SORBS2: variants seen among roughly 807,000 people sequenced by gnomAD.
The protein encoded by SORBS2 is sorbin and SH3 domain containing 2.
Under a neutral mutation model 97.7 loss-of-function variants are expected in SORBS2, and 46 were observed. The observed-to-expected ratio is 0.47, with a 90% CI of 0.37 to 0.60. SORBS2 has a LOEUF of 0.60. SORBS2 is among the 20% of genes least tolerant of loss of function. The probability of loss-of-function intolerance (pLI) is 0.00; values close to 1 mark genes in which losing one functional copy is unlikely to be tolerated. For missense variants in SORBS2, 1,316 were observed against 1,282.3 expected, an observed-to-expected ratio of 1.03 and a Z score of -0.40; for synonymous variants, 476 against 473.4, an observed-to-expected ratio of 1.01 and a Z score of -0.07.
intron 2 of SORBS2, among the ~76,000 whole-genome samples, chr4:185,711,251 A>G (rs2098418227): frequency 6.6e-6 from 1 of 152,004 alleles, no homozygotes; most frequent in African/African-American, 2.4e-5. Context: ...TCAGCCTCTC[A>G]AAGTGCTGGG....
chr4:185,613,191 G>T (rs996603162), intron 11 of SORBS2, among the ~76,000 whole-genome samples: 1 of 152,194 alleles, frequency 6.6e-6, no homozygotes, highest in African/African-American at 2.4e-5. Flanking sequence ...ATGGTGTGAT[G>T]GAGCTGAAAC....
intron 11 of SORBS2, among the ~76,000 whole-genome samples, chr4:185,613,273 C>T (rs1032035610): frequency 2.6e-5 from 4 of 152,280 alleles, no homozygotes; most frequent in East Asian, 1.9e-4. Flanking sequence ...CCTTGAGTAG[C>T]ACTTGGAAGT....
chr4:185,758,142 G>T (rs562791790), intron 2 of SORBS2, among the ~76,000 whole-genome samples: 1 of 152,172 alleles, frequency 6.6e-6, no homozygotes, highest in African/African-American at 2.4e-5. Flanking sequence ...GGTCCTAACC[G>T]ATAATTTCAC....
At chr4:185,912,413 C>T (rs550426729) in intron 1 of SORBS2, among the ~76,000 whole-genome samples, 10 of 151,570 alleles carry the variant, frequency 6.6e-5, no homozygotes, top group Non-Finnish European at 1.2e-4. Flanking sequence ...GGTGAAACCC[C>T]GTCTCTACTA....
intron 1 of SORBS2, among the ~76,000 whole-genome samples, chr4:185,924,246 C>A (rs1204182920): frequency 6.6e-6 from 1 of 152,192 alleles, no homozygotes; most frequent in Non-Finnish European, 1.5e-5. Flanking sequence ...GTAGTCCACA[C>A]TGCCAGGGAG....
intron 1 of SORBS2, among the ~76,000 whole-genome samples, chr4:185,803,525 A>T (rs2153659913): frequency 6.6e-6 from 1 of 152,304 alleles, no homozygotes; most frequent in South Asian, 2.1e-4. Flanking sequence ...TTCAAACTAA[A>T]CTATATTATT....
At chr4:185,933,450 T>C (rs1022391472) in intron 1 of SORBS2, 1 of 152,088 alleles carries the variant, frequency 6.6e-6, no homozygotes, top group Admixed American at 6.6e-5. Flanking sequence ...AGAAATGCAT[T>C]ATCTCACAGT....
At chr4:185,748,000 A>G (rs980625612) in intron 2 of SORBS2, among the ~76,000 whole-genome samples, 5 of 152,034 alleles carry the variant, frequency 3.3e-5, no homozygotes, top group African/African-American at 1.2e-4. Flanking sequence ...CAAAAAAAAA[A>G]CAAGGTCTTT....
intron 4 of SORBS2, among the ~76,000 whole-genome samples, chr4:185,667,392 T>C (rs887932939): frequency 1.3e-5 from 2 of 152,186 alleles, no homozygotes; most frequent in African/African-American, 4.8e-5. Flanking sequence ...CAATAATTTT[T>C]TTCTCAGACT....
At chr4:185,717,109 G>A (rs2098471789) in intron 2 of SORBS2, among the ~76,000 whole-genome samples, 1 of 152,206 alleles carries the variant, frequency 6.6e-6, no homozygotes, top group Admixed American at 6.5e-5. Flanking sequence ...TGTATTGGAA[G>A]TATACTGAGA....
chr4:185,722,574 G>C (rs1193346384), intron 2 of SORBS2, among the ~76,000 whole-genome samples: 1 of 152,132 alleles, frequency 6.6e-6, no homozygotes, highest in Non-Finnish European at 1.5e-5. Flanking sequence ...CATCTGATTG[G>C]TGATAAAAAA....
At chr4:185,784,170 C>T (rs2099044799) in intron 1 of SORBS2, among the ~76,000 whole-genome samples, 1 of 152,102 alleles carries the variant, frequency 6.6e-6, no homozygotes, top group Non-Finnish European at 1.5e-5. Flanking sequence ...CTGGATCTGT[C>T]GCCCAGGCTA....
intron 1 of SORBS2, among the ~76,000 whole-genome samples, chr4:185,860,174 A>G (rs1023463800): frequency 4.6e-5 from 7 of 152,208 alleles, no homozygotes; most frequent in African/African-American, 1.7e-4. Flanking sequence ...GAGAAAGAAA[A>G]CTGGCTCATT....
At chr4:185,855,171 T>C (rs1322814252) in intron 1 of SORBS2, among the ~76,000 whole-genome samples, 5 of 152,184 alleles carry the variant, frequency 3.3e-5, no homozygotes, top group Non-Finnish European at 5.9e-5. Flanking sequence ...TACATTCTCC[T>C]CAGGATTTTA....
At chr4:185,857,236 T>C (rs1292262892) in intron 1 of SORBS2, among the ~76,000 whole-genome samples, 5 of 152,214 alleles carry the variant, frequency 3.3e-5, no homozygotes, top group Admixed American at 1.3e-4. Context: ...TGAATACTTT[T>C]ATAATTTCTT....
At chr4:185,745,538 C>T (rs908884363) in intron 2 of SORBS2, among the ~76,000 whole-genome samples, 3 of 152,138 alleles carry the variant, frequency 2.0e-5, no homozygotes, top group Non-Finnish European at 2.9e-5. Context: ...CCTGTGCACC[C>T]GAGGTGCAGA....
chr4:185,888,324 G>A (rs953414958), intron 1 of SORBS2, among the ~76,000 whole-genome samples: 21 of 152,120 alleles, frequency 1.4e-4, no homozygotes, highest in Non-Finnish European at 2.8e-4. Context: ...AACGAGGGGT[G>A]GTGGGGGGTT....
intron 1 of SORBS2, among the ~76,000 whole-genome samples, chr4:185,837,956 T>C (rs547437530): frequency 2.0e-5 from 3 of 152,336 alleles, no homozygotes; most frequent in South Asian, 4.1e-4. Flanking sequence ...TTGTTTGCTT[T>C]TCTTTGAATG....
intron 12 of SORBS2, among the ~76,000 whole-genome samples, chr4:185,605,440 G>A (rs1031836097): frequency 6.6e-6 from 1 of 151,774 alleles, no homozygotes; most frequent in Non-Finnish European, 1.5e-5. Flanking sequence ...CCAACACCAT[G>A]TCTGACTAAT....
Sources: gnomAD v4.1 joint callset for allele counts (sites outside exome capture counted in the v4.1 genomes callset) on GRCh38, gnomAD v4.1.1 for gene constraint, MANE v1.5 for transcripts, NCBI Gene and HGNC (gene_info 2026-07-23, HGNC 2026-07-21) for gene names.